DCDC1: variants seen among roughly 807,000 people sequenced by gnomAD.
DCDC1 encodes the protein doublecortin domain-containing protein 1.
In DCDC1, 200 loss-of-function variants were observed where a neutral mutation model predicts 178.3. The observed-to-expected ratio is 1.12, with a 90% CI of 1.00 to 1.26. The LOEUF (loss-of-function observed/expected upper bound fraction) is 1.26. Among genes scored for constraint, DCDC1 ranks in the 50% most tolerant of loss-of-function variants. DCDC1 has a pLI of 0.00. For missense variants in DCDC1, 1,983 were observed against 1,749.2 expected, an observed-to-expected ratio of 1.13 and a Z score of -2.38; for synonymous variants, 690 against 604.8, an observed-to-expected ratio of 1.14 and a Z score of -2.07.
intron 9 of DCDC1, among the ~76,000 whole-genome samples, chr11:31,224,717 C>G (rs1306305432): frequency 6.6e-6 from 1 of 151,944 alleles, no homozygotes; most frequent in African/African-American, 2.4e-5. Context: ...AGACAATTCT[C>G]AAAGGAAGAT....
chr11:31,213,933 T>A (rs1973196263), intron 9 of DCDC1, among the ~76,000 whole-genome samples: 1 of 152,176 alleles, frequency 6.6e-6, no homozygotes, highest in Non-Finnish European at 1.5e-5. Flanking sequence ...CACATACATA[T>A]ATATATGAAT....
At chr11:31,339,404 T>C (rs1950432467) in intron 1 of DCDC1, among the ~76,000 whole-genome samples, 2 of 152,170 alleles carry the variant, frequency 1.3e-5, no homozygotes, top group South Asian at 4.1e-4. Flanking sequence ...TCCAGAACTG[T>C]GAGGAATAAA....
chr11:31,196,874 A>T (rs1970751119), intron 9 of DCDC1, among the ~76,000 whole-genome samples: 1 of 152,132 alleles, frequency 6.6e-6, no homozygotes, highest in South Asian at 2.1e-4. Context: ...TTTGGTAGCC[A>T]GCTGTAGTCC....
At chr11:30,908,014 A>T (rs1945192329) in intron 29 of DCDC1, among the ~76,000 whole-genome samples, 1 of 152,118 alleles carries the variant, frequency 6.6e-6, no homozygotes, top group Admixed American at 6.6e-5. Context: ...TGTAGGAAAA[A>T]ATGATAGAAT....
At position 31,106,784 on chromosome 11, in the gene DCDC1, C is replaced by G; in HGVS notation, c.1751+13G>C. 1.3e-6 allele frequency: 1 copy of G among 765,276 alleles called. No individual in the cohort carries two copies. Among genetic ancestry groups the G allele is most frequent in the Non-Finnish European group, 2.4e-6 (1 of 417,562 alleles). The allele number at this position is 765,276 out of a possible 1,614,324, so 47.4% of individuals were successfully genotyped here. A position where few individuals can be genotyped will look rare whatever the true frequency, so the allele number is the denominator to read the frequency against. On this transcript the variant is annotated intron_variant, in intron 13 of 38. Coordinates refer to ENST00000684477, the MANE Select transcript of DCDC1 (RefSeq NM_001387274.1). ...GAAAGATTGAGGACAGAAAACAAAC[C>G]CCTTGCTCCTACCTGTATGCTCTAC...
chr11:31,169,496 G>A (rs1304105986), intron 9 of DCDC1, among the ~76,000 whole-genome samples: 1 of 152,126 alleles, frequency 6.6e-6, no homozygotes, highest in Admixed American at 6.5e-5. Flanking sequence ...TCAGAACAAG[G>A]CTCTTTCCTC....
intron 9 of DCDC1, among the ~76,000 whole-genome samples, chr11:31,157,416 T>C (rs1332222038): frequency 6.9e-6 from 1 of 144,216 alleles, no homozygotes; most frequent in East Asian, 2.1e-4. Context: ...CACACATATA[T>C]ATACACACAT....
intron 3 of DCDC1, among the ~76,000 whole-genome samples, chr11:31,326,368 A>T (rs1949646679): frequency 7.4e-6 from 1 of 134,900 alleles, no homozygotes; most frequent in Non-Finnish European, 1.7e-5. Context: ...GTTTAGCTTT[A>T]CCATAAAAAA....
intron 9 of DCDC1, among the ~76,000 whole-genome samples, chr11:31,197,448 G>A (rs1970820087): frequency 6.6e-6 from 1 of 151,994 alleles, no homozygotes; most frequent in African/African-American, 2.4e-5. Context: ...TGCATGCATT[G>A]CCTAATTAAT....
At chr11:31,133,580 C>A (rs554090397) in intron 10 of DCDC1, among the ~76,000 whole-genome samples, 61 of 152,332 alleles carry the variant, frequency 4.0e-4, no homozygotes, top group African/African-American at 1.1e-3. Flanking sequence ...AGCCTGAGAG[C>A]AAAGTGAACT....
intron 20 of DCDC1, among the ~76,000 whole-genome samples, chr11:30,972,624 G>A (rs899053726): frequency 6.6e-6 from 1 of 151,606 alleles, no homozygotes; most frequent in Non-Finnish European, 1.5e-5. Context: ...AAAAATAAAA[G>A]ATAAAGAAAG....
chr11:31,081,937 C>A (rs1427765935), intron 17 of DCDC1, among the ~76,000 whole-genome samples: 3 of 152,140 alleles, frequency 2.0e-5, no homozygotes, highest in East Asian at 1.9e-4. Context: ...AAAATTTCTA[C>A]ACACAAAAGT....
At chr11:31,139,510 G>A (rs963058758) in intron 9 of DCDC1, among the ~76,000 whole-genome samples, 1 of 152,166 alleles carries the variant, frequency 6.6e-6, no homozygotes, top group African/African-American at 2.4e-5. Flanking sequence ...GTAGAAGAGA[G>A]GGACTGGAGA....
intron 8 of DCDC1, among the ~76,000 whole-genome samples, chr11:31,258,526 G>A (rs564395251): frequency 4.6e-5 from 7 of 152,278 alleles, no homozygotes; most frequent in Admixed American, 3.9e-4. Flanking sequence ...GAAGTATATA[G>A]TAGAAGCAAA....
At chr11:31,164,627 A>G (rs1221460443) in intron 9 of DCDC1, among the ~76,000 whole-genome samples, 1 of 152,200 alleles carries the variant, frequency 6.6e-6, no homozygotes, top group African/African-American at 2.4e-5. Flanking sequence ...TTTTTTATAA[A>G]GCTGTACAAT....
intron 20 of DCDC1, among the ~76,000 whole-genome samples, chr11:31,014,088 G>C (rs182171484): frequency 6.6e-5 from 10 of 152,192 alleles, no homozygotes; most frequent in Non-Finnish European, 1.3e-4. Context: ...TTGGAGACAG[G>C]GTCTTTAAGG....
At chr11:31,031,299 C>T (rs1248914629) in intron 20 of DCDC1, among the ~76,000 whole-genome samples, 6 of 151,994 alleles carry the variant, frequency 3.9e-5, no homozygotes, top group Admixed American at 3.9e-4. Context: ...ACTTTGTTTT[C>T]ATTACTGACT....
chr11:30,992,499 G>C (rs965396698), intron 20 of DCDC1: 15 of 152,236 alleles, frequency 9.9e-5, no homozygotes, highest in African/African-American at 3.6e-4. Flanking sequence ...AGGACTCCAA[G>C]CTAGGCTGCA....
At chr11:31,361,564 C>T (rs1339060371) in intron 1 of DCDC1, among the ~76,000 whole-genome samples, 1 of 152,136 alleles carries the variant, frequency 6.6e-6, no homozygotes, top group Non-Finnish European at 1.5e-5. Context: ...TCACTGCAAC[C>T]TCTGCCTCCC....
Sources: gnomAD v4.1 joint callset for allele counts (sites outside exome capture counted in the v4.1 genomes callset) on GRCh38, gnomAD v4.1.1 for gene constraint, MANE v1.5 for transcripts, NCBI Gene and HGNC (gene_info 2026-07-23, HGNC 2026-07-21) for gene names.